The following VPS51 variants were observed in gnomAD, a reference collection of about 807,000 sequenced individuals.
VPS51 encodes vacuolar protein sorting-associated protein 51 homolog.
A neutral mutation model predicts 65.1 loss-of-function variants in VPS51; 55 were observed. That is an observed-to-expected ratio of 0.84 (90% CI 0.68 to 1.06). The LOEUF (loss-of-function observed/expected upper bound fraction) is 1.06. Among genes scored for constraint, VPS51 ranks in the 50% least tolerant of loss-of-function variants. The probability of loss-of-function intolerance (pLI) is 0.00; values close to 1 mark genes in which losing one functional copy is unlikely to be tolerated. For synonymous variants in VPS51, 473 were observed against 489.5 expected (o/e 0.97, Z 0.44); for missense variants, 943 against 1,101.6 (o/e 0.86, Z 2.04).
chr11:65,110,941 T>G (rs1346873184), intron 9 of VPS51, 160 bp downstream of exon 9: 4 of 812,962 alleles, frequency 4.9e-6, no homozygotes, highest in Non-Finnish European at 7.9e-6. Context: ...TAGTACAGAG[T>G]GCCCTGCCTC....
rs543247897 is a variant in VPS51, at chr11:65,108,496, G to C, written c.1025G>C (p.Arg342Pro). Reference protein sequence around the residue: ...AGAEKLAAFARQLGSRYFALV... With the variant: ...AGAEKLAAFAPQLGSRYFALV... ...GCCGAGAAGCTGGCGGCCTTCGCCC[G>C]GCAGCTGGGCAGCCGCTATTTTGCG... The change falls in exon 5 of 10, where the codon CGG becomes CCG. Residue 342 changes from arginine (R) to proline (P), a missense_variant. Around this residue, in one of 2 missense-constraint regions of VPS51, gnomAD observed 855 missense variants for 953.7 expected, o/e 0.90. Coordinates refer to ENST00000279281, the MANE Select transcript of VPS51 (RefSeq NM_013265.4). 1.2e-6 allele frequency: 2 copies of C among 1,600,222 alleles called. No individual in the cohort carries two copies. Among genetic ancestry groups the C allele is most frequent in the Non-Finnish European group, 1.7e-6 (2 of 1,177,228 alleles).
chr11:65,108,312 G>C lies in VPS51; in HGVS notation c.841G>C (p.Glu281Gln). ...EFLAHARGRL[E>Q]KELRNLEAEL... ...CCTGGCGCACGCCCGCGGCCGGCTG[G>C]AGAAGGAGCTGAGAAACCTGGAGGC... The change falls in exon 5 of 10, where the codon GAG becomes CAG. Residue 281 changes from glutamate (E) to glutamine (Q), a missense_variant. By Grantham distance (29) the Glu-to-Gln change is conservative (BLOSUM62 2). Transcript: ENST00000279281. 1.2e-6 allele frequency: 2 copies of C among 1,609,224 alleles called. No individual in the cohort carries two copies. Among genetic ancestry groups the C allele is most frequent in the Non-Finnish European group, 8.5e-7 (1 of 1,178,596 alleles).
intron 2 of VPS51, among the ~76,000 whole-genome samples, chr11:65,100,960 T>TA (rs1269451920): frequency 1.3e-5 from 2 of 152,182 alleles, no homozygotes; most frequent in Admixed American, 1.3e-4. Context: ...TAAAAATAGA[T>TA]ATAACATACT....
chr11:65,101,400 T>C (rs1947807146), intron 2 of VPS51, among the ~76,000 whole-genome samples: 1 of 152,156 alleles, frequency 6.6e-6, no homozygotes, highest in African/African-American at 2.4e-5. Context: ...TCAAACATTA[T>C]ACAGGGAAAA....
chr11:65,110,374 T>C, intron 7 of VPS51, 108 bp from the exon 8 acceptor site: 1 of 1,580,250 alleles, frequency 6.3e-7, no homozygotes, highest in East Asian at 2.2e-5. Context: ...GTGATTACCC[T>C]GTGATCCTTG....
At chr11:65,101,780 A>AG (rs1947810082) in intron 2 of VPS51, among the ~76,000 whole-genome samples, 1 of 149,494 alleles carries the variant, frequency 6.7e-6, no homozygotes, top group African/African-American at 2.5e-5. Flanking sequence ...AAAAAAAAAA[A>AG]AAAAAAAAAA....
At position 65,108,686 on chromosome 11, in the gene VPS51, G is replaced by C. The variant is rs774831357; in HGVS notation, c.1215G>C (p.Glu405Asp). ...AGATCGTGGAACGAGTGGCCCGCGA[G>C]CGCCTGGGCCACCACCTGCAGGGTC... is the stretch of plus-strand genomic sequence containing the variant. ...ATEIVERVAR[E>D]RLGHHLQGLR... Residue 405 changes from glutamate to aspartate, a missense_variant, in exon 5 of 10, where the codon GAG (glutamate) becomes GAC (aspartate). Physicochemically the swap from Glu to Asp is conservative, Grantham distance 45. Around this residue, in one of 2 missense-constraint regions of VPS51, gnomAD observed 855 missense variants for 953.7 expected, o/e 0.90. Transcript: ENST00000279281. 6.3e-7 allele frequency: 1 copy of C among 1,591,136 alleles called. No homozygotes were observed. Among genetic ancestry groups the C allele is most frequent in the Non-Finnish European group, 8.5e-7 (1 of 1,172,784 alleles).
At chr11:65,099,844 T>G (rs1947796385) in intron 2 of VPS51, among the ~76,000 whole-genome samples, 1 of 152,116 alleles carries the variant, frequency 6.6e-6, no homozygotes, top group African/African-American at 2.4e-5. Flanking sequence ...GGCTTATGCC[T>G]ATAATCTTAG....
intron 1 of VPS51, 169 bp from the exon 2 acceptor site, chr11:65,096,829 C>G: frequency 9.7e-7 from 1 of 1,026,714 alleles, no homozygotes; most frequent in South Asian, 1.6e-5. Flanking sequence ...CTAGTAACCC[C>G]TGAGCTAGGC....
rs750521037 is a variant in VPS51 at position 65,097,097 on chromosome 11, G to A, written c.328G>A (p.Glu110Lys). Residue 110 changes from glutamate to lysine, a missense_variant, in exon 2 of 10, where the codon GAG becomes AAG. By Grantham distance (56) the Glu-to-Lys change is moderately conservative (BLOSUM62 1). Transcript: ENST00000279281. ...LDSDMQTLVYENYNKFISATD... is the reference protein window; with the variant it reads ...LDSDMQTLVYKNYNKFISATD... ...CAGCGACATGCAGACCCTGGTCTAT[G>A]AGAACTACAACAAGTTCATCTCAGC... is the stretch of plus-strand genomic sequence containing the variant. 2 of 1,613,954 alleles carry A rather than the reference G, an allele frequency of 1.2e-6. No individual in the cohort carries two copies. Among genetic ancestry groups the A allele is most frequent in the Admixed American group, 1.7e-5 (1 of 60,006 alleles).
chr11:65,111,020 A>G, intron 9 of VPS51: 1 of 662,012 alleles, frequency 1.5e-6, no homozygotes. Flanking sequence ...ACCTGGGATT[A>G]CTGTTTGCCC....
At chr11:65,100,034 C>T (rs1947797636) in intron 2 of VPS51, among the ~76,000 whole-genome samples, 3 of 151,822 alleles carry the variant, frequency 2.0e-5, no homozygotes, top group South Asian at 2.1e-4. Flanking sequence ...ACCCAGGAGG[C>T]GGAGGTTGCA....
intron 2 of VPS51, among the ~76,000 whole-genome samples, chr11:65,103,880 C>G (rs575051707): frequency 6.6e-6 from 1 of 150,860 alleles, no homozygotes; most frequent in Admixed American, 6.6e-5. Flanking sequence ...TTTATAGTAA[C>G]GTTTACAGGG....
In VPS51 at chr11:65,096,369, A is replaced by G; in HGVS notation, c.119A>G (p.Tyr40Cys). 1 of 1,534,124 alleles carries G rather than the reference A, an allele frequency of 6.5e-7. No individual in the cohort carries two copies. Among genetic ancestry groups the G allele is most frequent in the South Asian group, 1.2e-5 (1 of 81,780 alleles). The change falls in exon 1 of 10, where the codon TAC becomes TGC. Residue 40 changes from tyrosine to cysteine, a missense_variant. Around this residue, in one of 2 missense-constraint regions of VPS51, gnomAD observed 855 missense variants for 953.7 expected, o/e 0.90. Coordinates refer to ENST00000279281, the MANE Select transcript of VPS51 (RefSeq NM_013265.4). ...RRKAHGMLKL[Y>C]YGLSEGEAAG... ...AAGGCGCACGGGATGCTGAAGCTTT[A>G]CTACGGCCTCTCGGAAGGGGAGGCG...
At chr11:65,111,147 C>T (rs1355242436) in intron 9 of VPS51, 180 bp from the exon 10 acceptor site, 2 of 950,198 alleles carry the variant, frequency 2.1e-6, no homozygotes, top group East Asian at 5.2e-5. Flanking sequence ...CCCTACCTGT[C>T]CCCTGCCCTC....
In VPS51 at chr11:65,108,655, C is replaced by T. The variant is rs1219046554; in HGVS notation, c.1184C>T (p.Ala395Val). 6.4e-7 allele frequency: 1 copy of T among 1,558,728 alleles called. No homozygotes were observed. ...LLAAAGLADA[A>V]TEIVERVARE... is the part of the protein sequence containing the mutation. ...GCCGCTGCCGGGCTCGCAGACGCTG[C>T]CACGGAGATCGTGGAACGAGTGGCC... The change falls in exon 5 of 10, where the codon GCC becomes GTC. Residue 395 changes from alanine to valine, a missense_variant. Around this residue, in one of 2 missense-constraint regions of VPS51, gnomAD observed 855 missense variants for 953.7 expected, o/e 0.90. Coordinates refer to ENST00000279281, the MANE Select transcript of VPS51 (RefSeq NM_013265.4).
chr11:65,111,268 G>T, intron 9 of VPS51, 59 bp from the exon 10 acceptor site: 1 of 1,596,806 alleles, frequency 6.3e-7, no homozygotes, highest in South Asian at 1.1e-5. Flanking sequence ...CTTGGAACTT[G>T]GGTGTCCCCC....
intron 2 of VPS51, among the ~76,000 whole-genome samples, chr11:65,097,383 C>T (rs1590809047): frequency 1.3e-5 from 2 of 152,268 alleles, no homozygotes; most frequent in South Asian, 4.1e-4. Context: ...TTTTTAGAGA[C>T]AATGTCTTGT....
chr11:65,109,066 A>C, intron 5 of VPS51, 152 bp downstream of exon 5: 1 of 1,097,376 alleles, frequency 9.1e-7, no homozygotes, highest in Non-Finnish European at 1.3e-6. Context: ...GGCTCAGGGC[A>C]TCTGCAGCTG....
Sources: gnomAD v4.1 joint callset for allele counts (sites outside exome capture counted in the v4.1 genomes callset) on GRCh38, gnomAD v4.1.1 for gene constraint, gnomAD v4.1.1 regional missense constraint, MANE v1.5 for transcripts, NCBI Gene and HGNC (gene_info 2026-07-23, HGNC 2026-07-21) for gene names.